CNFN: variants seen among roughly 807,000 people sequenced by gnomAD.
CNFN encodes cornifelin.
A neutral mutation model predicts 14.9 loss-of-function variants in CNFN; 10 were observed. The ratio of observed to expected loss-of-function variants is 0.67; its 90% CI spans 0.41 to 1.14. CNFN has a LOEUF of 1.14. CNFN is among the 50% of genes most tolerant of loss of function. CNFN has a pLI of 0.00. For synonymous variants in CNFN, 66 were observed against 60.0 expected (o/e 1.10, Z -0.46); for missense variants, 165 against 152.8 (o/e 1.08, Z -0.42).
chr19:42,388,780 T>C (rs2147532549), intron 2 of CNFN, 146 bp downstream of exon 2: 1 of 613,824 alleles, frequency 1.6e-6, no homozygotes, highest in Non-Finnish European at 3.0e-6. Context: ...AGGGTGACTG[T>C]TAGAGTGGGA....
In CNFN at chr19:42,388,971, C is replaced by A; in HGVS notation, c.67G>T (p.Asp23Tyr). The change falls in exon 2 of 4, where the codon GAC becomes TAC. Residue 23 changes from aspartate to tyrosine, a missense_variant. By Grantham distance (160) the Asp-to-Tyr change is radical. Coordinates refer to ENST00000222032, the MANE Select transcript of CNFN (RefSeq NM_032488.4). The part of the protein sequence containing the change: ...TTSCYQTQLS[D>Y]WHTGLTDCCN... ...CAGTCCGTGAGACCTGTGTGCCAGT[C>A]ACTGAGCTGGGTCTGGTAGCAGCTG... The A allele has an allele frequency of 1.2e-6, 2 of 1,613,942 alleles. No homozygotes were observed. Among genetic ancestry groups the A allele is most frequent in the South Asian group, 2.2e-5 (2 of 91,074 alleles).
At chr19:42,387,507 G>A (rs1349551818) in intron 2 of CNFN, 31 bp from the exon 3 acceptor site, 30 of 1,509,828 alleles carry the variant, frequency 2.0e-5, no homozygotes, top group Middle Eastern at 2.4e-4. Flanking sequence ...CAGGGGCGGG[G>A]CCAGCCGGGG....
rs1223554540 is a variant in CNFN, at chr19:42,387,391, G to A, written c.198C>T (p.Pro66=). 4 of 1,601,196 alleles carry A rather than the reference G, an allele frequency of 2.5e-6. No individual in the cohort carries two copies. Among genetic ancestry groups the A allele is most frequent in the African/African-American group, 1.3e-5 (1 of 74,778 alleles). Residue 66 remains proline (P), a synonymous_variant, in exon 3 of 4, where the codon CCC becomes CCT. Coordinates refer to ENST00000222032, the MANE Select transcript of CNFN (RefSeq NM_032488.4). ...CGGTGCGGATGGAGTGCAGGCCTCC[G>A]GGCAGGTAGGGCGCGCAGCAGCACT... is the stretch of plus-strand genomic sequence containing the variant. The part of the protein sequence containing the change: ...FGECCCAPYL[P]GGLHSIRTGM...
chr19:42,387,429 C>T lies in CNFN; in HGVS notation c.160G>A (p.Asp54Asn). 1.2e-6 allele frequency: 2 copies of T among 1,600,762 alleles called. No homozygotes were observed. Among genetic ancestry groups the T allele is most frequent in the Non-Finnish European group, 1.7e-6 (2 of 1,175,210 alleles). ...APLCLACRIS[D>N]DFGECCCAPY... Reference sequence around the variant, plus strand: ...GCGCAGCAGCACTCGCCAAAGTCGTCGGAGATGCGGCAGGCAAGGCACAGA... The same window carrying T: ...GCGCAGCAGCACTCGCCAAAGTCGTTGGAGATGCGGCAGGCAAGGCACAGA... Residue 54 changes from aspartate to asparagine, a missense_variant, in exon 3 of 4, where the codon GAC becomes AAC. Transcript: ENST00000222032.
intron 2 of CNFN, 148 bp from the exon 3 acceptor site, chr19:42,387,624 A>G: frequency 2.1e-6 from 1 of 480,456 alleles, no homozygotes; most frequent in Non-Finnish European, 3.6e-6. Context: ...GTCCGAGGAG[A>G]GGATGGCTTA....
At position 42,388,958 on chromosome 19, in the gene CNFN, C is replaced by G. The variant is rs371129265; in HGVS notation, c.80G>C (p.Gly27Ala). The G allele has an allele frequency of 3.1e-6, 5 of 1,613,824 alleles. No individual in the cohort carries two copies. Among genetic ancestry groups the G allele is most frequent in the Non-Finnish European group, 3.4e-6 (4 of 1,179,976 alleles). ...YQTQLSDWHT[G>A]LTDCCNDMPV... is the part of the protein sequence containing the mutation. Reference sequence around the variant, plus strand: ...CATGTCGTTGCAGCAGTCCGTGAGACCTGTGTGCCAGTCACTGAGCTGGGT... The same window carrying G: ...CATGTCGTTGCAGCAGTCCGTGAGAGCTGTGTGCCAGTCACTGAGCTGGGT... Residue 27 changes from glycine to alanine, a missense_variant, in exon 2 of 4, where the codon GGT (glycine) becomes GCT (alanine). Gly to Ala is a moderately conservative substitution (Grantham distance 60). Transcript: ENST00000222032.
intron 2 of CNFN, 56 bp downstream of exon 2, chr19:42,388,870 A>AT: frequency 7.5e-7 from 1 of 1,332,206 alleles, no homozygotes; most frequent in Non-Finnish European, 1.1e-6. Context: ...CCCTCTCCTG[A>AT]TTCCCCCCAA....
intron 1 of CNFN, chr19:42,389,502 G>A (rs184574672): frequency 1.7e-4 from 214 of 1,290,386 alleles, no homozygotes; most frequent in Admixed American, 4.8e-4. Context: ...TGCCTTTCAC[G>A]TTGTCGTGCA....
At chr19:42,389,533 G>A (rs1312092507) in intron 1 of CNFN, 1 of 1,289,970 alleles carries the variant, frequency 7.8e-7, no homozygotes, top group African/African-American at 1.5e-5. Flanking sequence ...CATCTTGCTG[G>A]CCCTGAGGAG....
At chr19:42,388,217 G>T (rs905366895) in intron 2 of CNFN, among the ~76,000 whole-genome samples, 13 of 151,568 alleles carry the variant, frequency 8.6e-5, no homozygotes, top group Non-Finnish European at 4.4e-5. Context: ...TTTTTGAGAC[G>T]GAATCTCGCT....
chr19:42,389,613 G>A, intron 1 of CNFN: 1 of 1,086,130 alleles, frequency 9.2e-7, no homozygotes, highest in Non-Finnish European at 1.2e-6. Flanking sequence ...GCTGGATACT[G>A]GGGAGGTGGG....
At chr19:42,387,987 AC>A (rs373015280) in intron 2 of CNFN, among the ~76,000 whole-genome samples, 12,569 of 142,304 alleles carry the variant, frequency 0.088, 854 homozygotes, top group Middle Eastern at 0.18. Flanking sequence ...CTCAAAAAAA[AC>A]AAAAAACAAA....
chr19:42,389,197 T>C (rs2039879438), intron 1 of CNFN, among the ~76,000 whole-genome samples, 158 bp from the exon 2 acceptor site: 2 of 152,224 alleles, frequency 1.3e-5, no homozygotes, highest in African/African-American at 2.4e-5. Flanking sequence ...TTCTGCTACA[T>C]CTGGGCACCG....
chr19:42,388,468 C>G (rs1484220418), intron 2 of CNFN, among the ~76,000 whole-genome samples: 1 of 152,140 alleles, frequency 6.6e-6, no homozygotes, highest in East Asian at 1.9e-4. Flanking sequence ...CCTGGGATTA[C>G]AGGCGTGAGC....
At chr19:42,389,779 A>G (rs1489814953) in intron 1 of CNFN, among the ~76,000 whole-genome samples, 1 of 152,198 alleles carries the variant, frequency 6.6e-6, no homozygotes, top group Non-Finnish European at 1.5e-5. Context: ...TGCCCGACAG[A>G]TTGCAGAGGA....
At chr19:42,388,424 A>T (rs1282080693) in intron 2 of CNFN, among the ~76,000 whole-genome samples, 1 of 151,604 alleles carries the variant, frequency 6.6e-6, no homozygotes, top group Non-Finnish European at 1.5e-5. Context: ...TGAACTCCTG[A>T]CCTTGTGGTC....
Position 42,387,253 on chromosome 19 carries a change from G to T in CNFN, c.250-11C>A. On this transcript the variant is annotated splice_polypyrimidine_tract_variant and intron_variant, in intron 3 of 3. Coordinates refer to ENST00000222032, the MANE Select transcript of CNFN (RefSeq NM_032488.4). ...GTGCCCGACGGAGCCCTAGAGGGTAGGAGAGAGCGGTCAGGAGCCCCGCGG... is the reference window on the plus strand; with the variant it reads ...GTGCCCGACGGAGCCCTAGAGGGTATGAGAGAGCGGTCAGGAGCCCCGCGG... The T allele has an allele frequency of 6.2e-7, 1 of 1,612,938 alleles. No individual in the cohort carries two copies.
chr19:42,387,387 C>T lies in CNFN; in HGVS notation c.202G>A (p.Gly68Ser). 2 of 1,601,318 alleles carry T rather than the reference C, an allele frequency of 1.2e-6. No individual in the cohort carries two copies. The highest frequency in any genetic ancestry group is 1.7e-5 in the Admixed American group (1 of 58,416). Reference protein sequence around the residue: ...ECCCAPYLPGGLHSIRTGMRE... With the variant: ...ECCCAPYLPGSLHSIRTGMRE... ...ATGCCGGTGCGGATGGAGTGCAGGC[C>T]TCCGGGCAGGTAGGGCGCGCAGCAG... The change falls in exon 3 of 4, where the codon GGC (glycine) becomes AGC (serine). Residue 68 changes from glycine (G) to serine (S), a missense_variant. Physicochemically the swap from Gly to Ser is moderately conservative, Grantham distance 56. Transcript: ENST00000222032.
Position 42,387,456 on chromosome 19 carries a change from G to A in CNFN, c.133C>T (p.Pro45Ser), listed in dbSNP as rs890222019. 4.4e-6 allele frequency: 7 copies of A among 1,590,718 alleles called. No individual in the cohort carries two copies. Among genetic ancestry groups the A allele is most frequent in the African/African-American group, 1.3e-5 (1 of 74,344 alleles). ...MPVCLCGTFA[P>S]LCLACRISDD... ...GAGATGCGGCAGGCAAGGCACAGAG[G>A]AGCAAAAGTGCCGCACAGACCTGGG... The change falls in exon 3 of 4, where the codon CCT (proline) becomes TCT (serine). Residue 45 changes from proline (P) to serine (S), a missense_variant. Pro to Ser is a moderately conservative substitution (Grantham distance 74, BLOSUM62 -1). Coordinates refer to ENST00000222032, the MANE Select transcript of CNFN (RefSeq NM_032488.4).
Sources: allele counts gnomAD v4.1 joint callset (sites outside exome capture counted in the v4.1 genomes callset), GRCh38; gene constraint gnomAD v4.1.1; transcripts MANE v1.5; gene names NCBI Gene and HGNC (gene_info 2026-07-23, HGNC 2026-07-21).